TCF4: variants seen among roughly 807,000 people sequenced by gnomAD.
The protein encoded by TCF4 is transcription factor 4.
A neutral mutation model predicts 82.1 loss-of-function variants in TCF4; 3 were observed. The observed-to-expected ratio is 0.04, with a 90% CI of 0.02 to 0.09. The LOEUF is 0.09. Among genes scored for constraint, TCF4 ranks in the 10% least tolerant of loss-of-function variants. The pLI is 1.00. For missense variants in TCF4, 518 were observed against 852.7 expected (o/e 0.61, Z 4.89); for synonymous variants, 276 against 309.6 (o/e 0.89, Z 1.14).
At chr18:55,356,982 T>C (rs1038381479) in intron 6 of TCF4, among the ~76,000 whole-genome samples, 4 of 152,182 alleles carry the variant, frequency 2.6e-5, no homozygotes, top group Non-Finnish European at 5.9e-5. Flanking sequence ...AATGTCATAA[T>C]GTGATGCAAA....
intron 8 of TCF4, among the ~76,000 whole-genome samples, chr18:55,283,283 G>GA (rs1035036177): frequency 2.7e-5 from 4 of 147,266 alleles, no homozygotes; most frequent in South Asian, 2.1e-4. Context: ...ACTCATCAAA[G>GA]AAAAAAAAAT....
At chr18:55,256,756 T>C (rs1007756477) in intron 14 of TCF4, among the ~76,000 whole-genome samples, 2 of 152,122 alleles carry the variant, frequency 1.3e-5, no homozygotes, top group Non-Finnish European at 2.9e-5. Flanking sequence ...CCCACCATCA[T>C]GAGGAGAGAA....
At chr18:55,493,987 T>C (rs1010192385) in intron 3 of TCF4, among the ~76,000 whole-genome samples, 1 of 152,120 alleles carries the variant, frequency 6.6e-6, no homozygotes, top group African/African-American at 2.4e-5. Context: ...TTGAAAAATA[T>C]TGGACTTGAG....
At chr18:55,426,118 T>TATATATATAC (rs1377856275) in intron 5 of TCF4, among the ~76,000 whole-genome samples, 1 of 145,158 alleles carries the variant, frequency 6.9e-6, no homozygotes, top group Non-Finnish European at 1.5e-5. Flanking sequence ...TATATATATA[T>TATATATATAC]ACACACACAC....
chr18:55,524,411 C>A (rs2096960082), intron 3 of TCF4, among the ~76,000 whole-genome samples: 1 of 152,000 alleles, frequency 6.6e-6, no homozygotes, highest in Non-Finnish European at 1.5e-5. Flanking sequence ...TAAAAACATT[C>A]TTCAAACATT....
rs2095947232 is a variant in TCF4, at chr18:55,464,069, T to C, written c.207+7A>G. 1.2e-6 allele frequency: 2 copies of C among 1,613,536 alleles called. No individual in the cohort carries two copies. Among genetic ancestry groups the C allele is most frequent in the Non-Finnish European group, 1.7e-6 (2 of 1,179,694 alleles). ...TGGTTGTGGGAGAAAAGATTAGATA[T>C]ACTTACCCTGGACGGGCTTGGATGT... On this transcript the variant is annotated splice_region_variant and intron_variant, in intron 4 of 19. Coordinates refer to ENST00000354452, the MANE Select transcript of TCF4 (RefSeq NM_001083962.2).
intron 3 of TCF4, chr18:55,482,279 CTGAACTTTG>C (rs1320482686): frequency 6.6e-6 from 1 of 152,194 alleles, no homozygotes; most frequent in Non-Finnish European, 1.5e-5. Context: ...AAAATTCCTG[CTGAACTTTG>C]TCCTGATTGG....
chr18:55,512,762 T>A (rs141574902), intron 3 of TCF4, among the ~76,000 whole-genome samples: 13 of 152,146 alleles, frequency 8.5e-5, no homozygotes, highest in African/African-American at 2.9e-4. Context: ...TGTGTATACA[T>A]TGCATGTGTT....
chr18:55,399,264 C>T (rs763457510), intron 6 of TCF4, among the ~76,000 whole-genome samples: 3 of 152,084 alleles, frequency 2.0e-5, no homozygotes, highest in East Asian at 1.9e-4. Context: ...TGCTTAATTT[C>T]GATGAACCAA....
chr18:55,446,485 G>C (rs1020539509), intron 5 of TCF4, among the ~76,000 whole-genome samples: 2 of 152,144 alleles, frequency 1.3e-5, no homozygotes, highest in Non-Finnish European at 2.9e-5. Flanking sequence ...CAAGGCTTTA[G>C]AGTTCAGCAG....
rs552106041 is a variant in TCF4, at chr18:55,304,284, C to T, written c.550-24628G>A. Among the ~76,000 whole-genome samples, 9 of 152,024 alleles carry T rather than the reference C, an allele frequency of 5.9e-5. No homozygotes were observed. In the South Asian group the frequency reaches 1.9e-3, roughly 32 times the overall value. On this transcript the variant is annotated intron_variant, in intron 8 of 19. Coordinates refer to ENST00000354452, the MANE Select transcript of TCF4 (RefSeq NM_001083962.2). ...CAAGCATACAGAAATGACTGAACAC[C>T]AGAAAACATAAACAAAAATATAGGA...
intron 3 of TCF4, among the ~76,000 whole-genome samples, chr18:55,502,510 C>T (rs1166810529): frequency 6.6e-6 from 1 of 152,140 alleles, no homozygotes; most frequent in African/African-American, 2.4e-5. Context: ...AACTACATAA[C>T]AAAGCAGCTC....
At chr18:55,303,264 CACA>C (rs1198945687) in intron 8 of TCF4, among the ~76,000 whole-genome samples, 11 of 146,794 alleles carry the variant, frequency 7.5e-5, no homozygotes, top group East Asian at 1.9e-4. Context: ...CACACACACA[CACA>C]CCCCTACACA....
chr18:55,247,250 G>T (rs1358994371), intron 15 of TCF4, among the ~76,000 whole-genome samples: 1 of 152,186 alleles, frequency 6.6e-6, no homozygotes, highest in Non-Finnish European at 1.5e-5. Flanking sequence ...TTGTATTGGT[G>T]GCTTTGATGT....
intron 8 of TCF4, among the ~76,000 whole-genome samples, chr18:55,298,314 C>A (rs569789710): frequency 6.6e-6 from 1 of 152,294 alleles, no homozygotes; most frequent in South Asian, 2.1e-4. Flanking sequence ...CCCTAAAACT[C>A]TTTTCCATTT....
chr18:55,466,537 T>C (rs1375583357), intron 3 of TCF4, among the ~76,000 whole-genome samples: 1 of 152,030 alleles, frequency 6.6e-6, no homozygotes, highest in Admixed American at 6.6e-5. Flanking sequence ...TGACCCCAAA[T>C]AAAAATTGTG....
intron 2 of TCF4, among the ~76,000 whole-genome samples, chr18:55,600,849 A>G (rs1200133662): frequency 6.6e-6 from 1 of 152,218 alleles, no homozygotes; most frequent in African/African-American, 2.4e-5. Flanking sequence ...ATTATTTCCT[A>G]CGCAATAGAG....
chr18:55,537,012 T>C (rs2097122635), intron 3 of TCF4, among the ~76,000 whole-genome samples: 1 of 151,716 alleles, frequency 6.6e-6, no homozygotes, highest in African/African-American at 2.4e-5. Flanking sequence ...CGGGCGCCTG[T>C]AGTCCCAGCT....
In TCF4 at chr18:55,455,264, T is replaced by C. The variant is rs570652455; in HGVS notation, c.304+5755A>G. Reference sequence around the variant, plus strand: ...AGGAAGAAGTAGAAGAAAGAAAAACTGAGTTCTCCTGACTCCTGACTACCA... The same window carrying C: ...AGGAAGAAGTAGAAGAAAGAAAAACCGAGTTCTCCTGACTCCTGACTACCA... On this transcript the variant is annotated intron_variant, in intron 5 of 19. Coordinates refer to ENST00000354452, the MANE Select transcript of TCF4 (RefSeq NM_001083962.2). Among the ~76,000 whole-genome samples, 17 of 149,242 alleles carry C rather than the reference T, an allele frequency of 1.1e-4. No homozygotes were observed. The East Asian group carries it at 2.8e-3, about 24-fold the overall frequency.
Sources: allele counts gnomAD v4.1 joint callset (sites outside exome capture counted in the v4.1 genomes callset), GRCh38; gene constraint gnomAD v4.1.1; transcripts MANE v1.5; gene names NCBI Gene and HGNC (gene_info 2026-07-23, HGNC 2026-07-21).